The following EIF4G3 variants were observed in gnomAD, a reference collection of about 807,000 sequenced individuals.
The protein encoded by EIF4G3 is eukaryotic translation initiation factor 4 gamma 3.
EIF4G3 carries 34 observed loss-of-function variants against 186.4 expected under a neutral mutation model. The ratio of observed to expected loss-of-function variants is 0.18; its 90% CI spans 0.14 to 0.24. EIF4G3 has a LOEUF of 0.24. Ranked by LOEUF, EIF4G3 falls within the 10% of genes least tolerant of loss-of-function variation. The pLI is 1.00. For synonymous variants in EIF4G3, 673 were observed against 679.5 expected (o/e 0.99, Z 0.15); for missense variants, 1,536 against 1,948.5 (o/e 0.79, Z 3.99).
chr1:20,867,384 T>C (rs1287212237), intron 20 of EIF4G3, among the ~76,000 whole-genome samples: 1 of 152,184 alleles, frequency 6.6e-6, no homozygotes, highest in African/African-American at 2.4e-5. Context: ...GAATGAGATA[T>C]TCCAAAATGA....
intron 7 of EIF4G3, among the ~76,000 whole-genome samples, chr1:20,991,643 T>C (rs2081150083): frequency 6.6e-6 from 1 of 152,050 alleles, no homozygotes; most frequent in South Asian, 2.1e-4. Context: ...GCCATGTATA[T>C]AGCTAGTAGA....
At chr1:21,154,072 C>G (rs1558214103) in intron 2 of EIF4G3, among the ~76,000 whole-genome samples, 1 of 152,270 alleles carries the variant, frequency 6.6e-6, no homozygotes, top group East Asian at 1.9e-4. Context: ...TTTCTCAAAG[C>G]AGAATTAGTA....
chr1:20,971,149 A>G (rs1189445856), intron 11 of EIF4G3, among the ~76,000 whole-genome samples: 1 of 152,188 alleles, frequency 6.6e-6, no homozygotes, highest in Admixed American at 6.5e-5. Context: ...GTCTGCGACT[A>G]GGCATTCTAT....
intron 3 of EIF4G3, among the ~76,000 whole-genome samples, chr1:21,086,168 C>G (rs1021459707): frequency 5.5e-5 from 8 of 145,522 alleles, no homozygotes; most frequent in Non-Finnish European, 1.5e-5. Context: ...TCAGACAGAC[C>G]AAGAAAAATA....
chr1:21,129,183 C>CACA (rs1230401831), intron 2 of EIF4G3, among the ~76,000 whole-genome samples: 4 of 152,044 alleles, frequency 2.6e-5, no homozygotes, highest in Non-Finnish European at 5.9e-5. Context: ...GGCGTGGTGG[C>CACA]GGGTGCCTGT....
chr1:20,838,680 G>T (rs2067489933), intron 30 of EIF4G3, among the ~76,000 whole-genome samples: 1 of 151,924 alleles, frequency 6.6e-6, no homozygotes, highest in Non-Finnish European at 1.5e-5. Context: ...ATTGCTGAAA[G>T]AAAACTTTTT....
At position 21,176,834 on chromosome 1, in the gene EIF4G3, C is replaced by T. The variant is rs1317471245; in HGVS notation, c.-568G>A. On this transcript the variant is annotated 5_prime_UTR_variant, in exon 1 of 37. It removes the in-frame stop codon of an upstream open reading frame in the 5' UTR. Transcript: ENST00000602326. ...TCAGGCGATGCCGGTGGATTTTCTT[C>T]ACTCAACGAGCAGAGCATCCAACAT... 1 of 701,838 alleles carries T rather than the reference C, an allele frequency of 1.4e-6. No homozygotes were observed. The highest frequency in any genetic ancestry group is 2.7e-5 in the East Asian group (1 of 37,126). 43.5% of individuals were successfully genotyped at this position (701,838 alleles called of 1,614,324 possible). A position where few individuals can be genotyped will look rare whatever the true frequency, so the allele number is the denominator to read the frequency against.
In EIF4G3 at chr1:20,967,213, G is replaced by A. The variant is rs148052711; in HGVS notation, c.714+2261C>T. Among the ~76,000 whole-genome samples, 648 of 152,286 alleles carry A rather than the reference G, an allele frequency of 4.3e-3. 3 individuals carry two copies. The highest frequency in any genetic ancestry group is 0.014 in the African/African-American group (585 of 41,566). ...CAATCACACCCCACAGGGCATTTAAGTGCAAAAAGACACATACATGTCCAA... is the reference window on the plus strand; with the variant it reads ...CAATCACACCCCACAGGGCATTTAAATGCAAAAAGACACATACATGTCCAA... On this transcript the variant is annotated intron_variant, in intron 12 of 36. Transcript: ENST00000602326.
At chr1:21,147,789 T>C (rs562817117) in intron 2 of EIF4G3, among the ~76,000 whole-genome samples, 1 of 152,174 alleles carries the variant, frequency 6.6e-6, no homozygotes, top group Middle Eastern at 3.4e-3. Flanking sequence ...CGTCTATCAT[T>C]TTCACCTATC....
intron 12 of EIF4G3, among the ~76,000 whole-genome samples, chr1:20,956,685 T>C (rs1367005352): frequency 6.6e-6 from 1 of 151,466 alleles, no homozygotes; most frequent in African/African-American, 2.4e-5. Flanking sequence ...TTTTATTCAA[T>C]TTTTTGAGAC....
chr1:21,081,656 T>C (rs2095791977), intron 3 of EIF4G3, among the ~76,000 whole-genome samples: 1 of 149,010 alleles, frequency 6.7e-6, no homozygotes, highest in African/African-American at 2.5e-5. Flanking sequence ...TTTTTTTTTT[T>C]TTTTGAAACA....
In EIF4G3 at chr1:21,025,375, T is replaced by C. The variant is rs574941910; in HGVS notation, c.-66-22567A>G. 7.9e-5 allele frequency among the ~76,000 whole-genome samples: 12 copies of C among 151,890 alleles called. No individual in the cohort carries two copies. The South Asian group carries it at 2.5e-3, about 31-fold the overall frequency. On this transcript the variant is annotated intron_variant, in intron 4 of 36. Transcript: ENST00000602326. ...TAGTGAAGATACTGGTGTCAAGATA[T>C]CAAACAGGGATCTATTCCGACAGCC... is the stretch of plus-strand genomic sequence containing the variant.
chr1:21,150,439 A>C lies in EIF4G3; in HGVS notation c.-272+25736T>G, dbSNP rs114231655. ...AATTTGAGGGAACCTAATTCATCAC[A>C]ATGTGAGATCAGCACTATACTGACA... On this transcript the variant is annotated intron_variant, in intron 2 of 36. Transcript: ENST00000602326. Among the ~76,000 whole-genome samples, 242 of 152,288 alleles carry C rather than the reference A, an allele frequency of 1.6e-3. 1 individual carries two copies. The highest frequency in any genetic ancestry group is 5.4e-3 in the African/African-American group (225 of 41,560).
At chr1:21,137,548 C>A (rs1255167965) in intron 2 of EIF4G3, among the ~76,000 whole-genome samples, 1 of 152,078 alleles carries the variant, frequency 6.6e-6, no homozygotes, top group Non-Finnish European at 1.5e-5. Context: ...GTGGCTCATG[C>A]CTGTAATCCC....
At chr1:20,865,459 C>T (rs1012954641) in intron 20 of EIF4G3, among the ~76,000 whole-genome samples, 197 bp from the exon 21 acceptor site, 1 of 151,734 alleles carries the variant, frequency 6.6e-6, no homozygotes. Flanking sequence ...GACACACATT[C>T]CTCTCATATA....
At chr1:21,002,125 G>A (rs1003074819) in intron 5 of EIF4G3, among the ~76,000 whole-genome samples, 21 of 152,140 alleles carry the variant, frequency 1.4e-4, no homozygotes, top group African/African-American at 4.8e-4. Flanking sequence ...CTCAGTCTTG[G>A]CAGTACTTAT....
chr1:20,958,622 G>A (rs1387896878), intron 12 of EIF4G3, among the ~76,000 whole-genome samples: 4 of 152,272 alleles, frequency 2.6e-5, no homozygotes. Flanking sequence ...ACTGTTTGCA[G>A]ATGATATAAC....
At chr1:21,152,293 T>C (rs886754840) in intron 2 of EIF4G3, among the ~76,000 whole-genome samples, 1 of 136,038 alleles carries the variant, frequency 7.4e-6, no homozygotes, top group Non-Finnish European at 1.5e-5. Flanking sequence ...GCCAAGATGA[T>C]GCCACTGTAC....
intron 4 of EIF4G3, among the ~76,000 whole-genome samples, chr1:21,046,204 C>G (rs2093876192): frequency 6.6e-6 from 1 of 152,196 alleles, no homozygotes; most frequent in Non-Finnish European, 1.5e-5. Flanking sequence ...TTCAGGGAAA[C>G]TGAAAAGAAT....
Sources: gnomAD v4.1 joint callset for allele counts (sites outside exome capture counted in the v4.1 genomes callset) on GRCh38, gnomAD v4.1.1 for gene constraint, MANE v1.5 for transcripts, NCBI Gene and HGNC (gene_info 2026-07-23, HGNC 2026-07-21) for gene names.